Variants in ADAMTS17 observed in about 807,000 individuals in gnomAD.
ADAMTS17 encodes ADAM metallopeptidase with thrombospondin type 1 motif 17, also known as A disintegrin and metalloproteinase with thrombospondin motifs 17.
A neutral mutation model predicts 141.5 loss-of-function variants in ADAMTS17; 113 were observed. The ratio of observed to expected loss-of-function variants is 0.80; its 90% confidence interval spans 0.69 to 0.93. The LOEUF (loss-of-function observed/expected upper bound fraction) is 0.93, where lower values mean the gene tolerates loss of function less well. Ranked by LOEUF, ADAMTS17 falls within the 40% of genes least tolerant of loss-of-function variation. The probability of loss-of-function intolerance (pLI) is 0.00; values close to 1 mark genes in which losing one functional copy is unlikely to be tolerated. For missense variants in ADAMTS17, 1,659 were observed against 1,517.9 expected (o/e 1.09, Z -1.54); for synonymous variants, 768 against 630.6 (o/e 1.22, Z -3.27).
intron 4 of ADAMTS17, among the ~76,000 whole-genome samples, chr15:100,273,566 A>G (rs1420727482): frequency 3.3e-5 from 5 of 152,070 alleles, no homozygotes; most frequent in Admixed American, 3.3e-4. Context: ...TTGTGTTATT[A>G]GTAATTTGAG....
chr15:100,105,897 C>T (rs1475581284), intron 14 of ADAMTS17, among the ~76,000 whole-genome samples: 2 of 152,142 alleles, frequency 1.3e-5, no homozygotes, highest in African/African-American at 4.8e-5. Context: ...ACCATGTTAG[C>T]TGGGCTGGTC....
intron 18 of ADAMTS17, among the ~76,000 whole-genome samples, chr15:100,005,894 AGGT>A (rs1378790716): frequency 3.3e-5 from 5 of 152,008 alleles, no homozygotes; most frequent in Non-Finnish European, 7.4e-5. Context: ...TCTCTCTCCT[AGGT>A]TCTGGTGGCG....
chr15:100,266,526 C>A (rs1005849255), intron 4 of ADAMTS17, among the ~76,000 whole-genome samples: 3 of 152,186 alleles, frequency 2.0e-5, no homozygotes, highest in Non-Finnish European at 4.4e-5. Context: ...TAAGCCCGTG[C>A]AGCAGCTTCC....
At chr15:100,140,910 C>T (rs113244449) in intron 10 of ADAMTS17, among the ~76,000 whole-genome samples, 6 of 152,294 alleles carry the variant, frequency 3.9e-5, no homozygotes, top group African/African-American at 9.6e-5. Context: ...CTGGGCAGCA[C>T]GTCCCTGGGC....
chr15:99,982,098 G>C (rs921398935), intron 20 of ADAMTS17, among the ~76,000 whole-genome samples: 14 of 149,228 alleles, frequency 9.4e-5, no homozygotes, highest in African/African-American at 3.6e-4. Flanking sequence ...ACAAACTCTT[G>C]TTTGTAGAAT....
intron 10 of ADAMTS17, among the ~76,000 whole-genome samples, chr15:100,145,433 A>G (rs2038855243): frequency 6.6e-6 from 1 of 152,194 alleles, no homozygotes; most frequent in Non-Finnish European, 1.5e-5. Context: ...CATATTAAAG[A>G]AGGCCAACAT....
chr15:100,204,642 T>C (rs533429764), intron 7 of ADAMTS17, among the ~76,000 whole-genome samples: 2 of 152,160 alleles, frequency 1.3e-5, no homozygotes, highest in African/African-American at 4.8e-5. Flanking sequence ...TCAAAATGAA[T>C]TGAAGAGATA....
chr15:100,321,221 C>T (rs1221283947), intron 3 of ADAMTS17, among the ~76,000 whole-genome samples: 1 of 151,984 alleles, frequency 6.6e-6, no homozygotes, highest in Non-Finnish European at 1.5e-5. Context: ...ATTTCCACAC[C>T]AGTGGAAGAG....
chr15:100,134,837 G>A (rs1240684878), intron 10 of ADAMTS17, among the ~76,000 whole-genome samples: 2 of 152,146 alleles, frequency 1.3e-5, no homozygotes, highest in Admixed American at 6.5e-5. Flanking sequence ...CTGCACATGC[G>A]CTTCAGAAAA....
intron 15 of ADAMTS17, among the ~76,000 whole-genome samples, chr15:100,080,857 G>C (rs191117931): frequency 6.6e-6 from 1 of 152,150 alleles, no homozygotes; most frequent in Non-Finnish European, 1.5e-5. Context: ...CTGGTTGTAC[G>C]AAGGATAGCT....
intron 15 of ADAMTS17, among the ~76,000 whole-genome samples, chr15:100,085,005 T>C (rs1437248223): frequency 6.6e-6 from 1 of 152,126 alleles, no homozygotes; most frequent in Non-Finnish European, 1.5e-5. Flanking sequence ...ATGACTTTGA[T>C]GAGCTGACAG....
At position 100,088,578 on chromosome 15, in the gene ADAMTS17, G is replaced by C. The variant is rs1164088005; in HGVS notation, c.2137+7778C>G. 2.6e-5 allele frequency among the ~76,000 whole-genome samples: 4 copies of C among 151,990 alleles called. No homozygotes were observed. In the East Asian group the frequency reaches 7.7e-4, roughly 29 times the overall value. On this transcript the variant is annotated intron_variant, in intron 15 of 21. Transcript: ENST00000268070. ...CAAAGCTGGAGGCATCACACTACCT[G>C]ACTTCAAACTATACTACAAGGCTAC...
intron 3 of ADAMTS17, among the ~76,000 whole-genome samples, chr15:100,330,565 C>G (rs1168480186): frequency 1.3e-5 from 2 of 152,098 alleles, no homozygotes; most frequent in Non-Finnish European, 2.9e-5. Context: ...AGCTCCTGGC[C>G]AGGGCACCAG....
rs71151927 is a variant in ADAMTS17 at position 99,977,349 on chromosome 15, CATATATATATATATAT to C, written c.2950-1143_2950-1128del. On this transcript the variant is annotated intron_variant, in intron 20 of 21. Transcript: ENST00000268070. ...GGTTCTGTTCTCCGTCCCTCCTCTT[CATATATATATATATAT>C]ATATATATATATATATATATATATA... Among the ~76,000 whole-genome samples, 61 of 30,328 alleles carry C rather than the reference CATATATATATATATAT, an allele frequency of 2.0e-3. 5 individuals carry two copies. The highest frequency in any genetic ancestry group is 2.3e-3 in the South Asian group (1 of 434). 19.9% of individuals were successfully genotyped at this position (30,328 alleles called of 152,430 possible).
At chr15:100,076,704 T>TA (rs972504533) in intron 15 of ADAMTS17, among the ~76,000 whole-genome samples, 1 of 152,168 alleles carries the variant, frequency 6.6e-6, no homozygotes, top group Non-Finnish European at 1.5e-5. Context: ...ATTTTCCTTT[T>TA]AAAAAACAAT....
intron 3 of ADAMTS17, among the ~76,000 whole-genome samples, chr15:100,319,529 C>T (rs552204620): frequency 1.6e-3 from 242 of 152,076 alleles, no homozygotes; most frequent in Non-Finnish European, 3.1e-3. Context: ...GCCAACATGG[C>T]GAAACCCCGT....
intron 8 of ADAMTS17, among the ~76,000 whole-genome samples, chr15:100,162,876 ATG>A (rs2039782614): frequency 6.8e-6 from 1 of 146,728 alleles, no homozygotes; most frequent in East Asian, 2.0e-4. Flanking sequence ...ATATAACTAT[ATG>A]TATATATATG....
rs1035915362 is a variant in ADAMTS17, at chr15:100,271,831, G to A, written c.790-9396C>T. Among the ~76,000 whole-genome samples the A allele has an allele frequency of 3.3e-5, 5 of 152,000 alleles. No homozygotes were observed. In the East Asian group the frequency reaches 5.8e-4, roughly 18 times the overall value. On this transcript the variant is annotated intron_variant, in intron 4 of 21. Coordinates refer to ENST00000268070, the MANE Select transcript of ADAMTS17 (RefSeq NM_139057.4). ...AAATCAAATCTCACAAAACTTTTCCGTTTTTTCTTCTAAGAGTTTTACCTC... is the reference window on the plus strand; with the variant it reads ...AAATCAAATCTCACAAAACTTTTCCATTTTTTCTTCTAAGAGTTTTACCTC...
intron 18 of ADAMTS17, among the ~76,000 whole-genome samples, chr15:100,047,025 A>T (rs1331758485): frequency 2.0e-5 from 3 of 152,080 alleles, no homozygotes; most frequent in Admixed American, 6.6e-5. Context: ...TTTCTCAGCA[A>T]GGAACATCCC....
Sources: gnomAD v4.1 joint callset for allele counts (sites outside exome capture counted in the v4.1 genomes callset) on GRCh38, gnomAD v4.1.1 for gene constraint, MANE v1.5 for transcripts, NCBI Gene and HGNC (gene_info 2026-07-23, HGNC 2026-07-21) for gene names.